The following SSX7 variants were observed in gnomAD, a reference collection of about 807,000 sequenced individuals.
SSX7 encodes the protein SSX family member 7.
A neutral mutation model predicts 14.7 loss-of-function variants in SSX7; 15 were observed. That is an observed-to-expected ratio of 1.02 (90% CI 0.68 to 1.58). The LOEUF (loss-of-function observed/expected upper bound fraction) is 1.58, where lower values mean the gene tolerates loss of function less well. SSX7 is among the 40% of genes most tolerant of loss of function. The pLI is 0.00. For synonymous variants in SSX7, 46 were observed against 50.6 expected (o/e 0.91, Z 0.38); for missense variants, 178 against 146.8 (o/e 1.21, Z -1.10).
intron 4 of SSX7, among the ~76,000 whole-genome samples, chrX:52,650,785 G>A (rs1195094162): frequency 8.9e-6 from 1 of 112,340 alleles, no homozygotes; most frequent in Non-Finnish European, 1.9e-5. Flanking sequence ...TGTGAATTAA[G>A]CTGTTAAATG....
At chrX:52,648,876 G>T (rs782583486) in intron 5 of SSX7, among the ~76,000 whole-genome samples, 1 of 111,332 alleles carries the variant, frequency 9.0e-6, no homozygotes, top group Non-Finnish European at 1.9e-5. Context: ...GAAATGGTTT[G>T]CTAAAATTAA....
At chrX:52,653,065 C>T in intron 2 of SSX7, 81 bp from the exon 3 acceptor site, 1 of 1,178,582 alleles carries the variant, frequency 8.5e-7, no homozygotes, top group Non-Finnish European at 1.1e-6. Flanking sequence ...TTCCTGTGTG[C>T]TGGATCTGGG....
chrX:52,649,238 G>A (rs1253983413), intron 5 of SSX7, among the ~76,000 whole-genome samples: 18 of 110,850 alleles, frequency 1.6e-4, no homozygotes, highest in African/African-American at 6.6e-5. Context: ...ACCATGTTGG[G>A]CAGGATGGTC....
At position 52,644,598 on chromosome X, in the gene SSX7, G is replaced by T; in HGVS notation, c.*77C>A. On this transcript the variant is annotated 3_prime_UTR_variant, in exon 8 of 8. Transcript: ENST00000298181. ...CTATGCACCTGATGACGAGGGGTCC[G>T]CAGCCATGCCCATGTTCGTGAAAGG... 2 of 1,189,825 alleles carry T rather than the reference G, an allele frequency of 1.7e-6. No homozygotes were observed. The highest frequency in any genetic ancestry group is 2.3e-6 in the Non-Finnish European group (2 of 888,234).
At chrX:52,653,101 C>G in intron 2 of SSX7, 117 bp from the exon 3 acceptor site, 1 of 1,169,060 alleles carries the variant, frequency 8.6e-7, no homozygotes, top group Non-Finnish European at 1.1e-6. Context: ...CATGGCTAAC[C>G]GACAACATGA....
intron 2 of SSX7, 34 bp downstream of exon 2, chrX:52,653,370 G>A (rs782344181): frequency 5.8e-6 from 7 of 1,210,679 alleles, no homozygotes; most frequent in Non-Finnish European, 6.7e-6. Context: ...ACTGTCCCCT[G>A]GGCCACTACT....
At chrX:52,648,456 GCTTACAAAGCGT>G (rs1228777826) in intron 5 of SSX7, 60 bp from the exon 6 acceptor site, 1 of 1,182,491 alleles carries the variant, frequency 8.5e-7, no homozygotes, top group Non-Finnish European at 1.1e-6. Flanking sequence ...GTGCTTTAGA[GCTTACAAAGCGT>G]CTTCACATGC....
At chrX:52,651,202 G>C (rs1236047958) in intron 4 of SSX7, among the ~76,000 whole-genome samples, 2 of 111,806 alleles carry the variant, frequency 1.8e-5, no homozygotes, top group East Asian at 2.8e-4. Context: ...TCATCACGGA[G>C]AATCAGGGTT....
chrX:52,653,218 C>A (rs868914572), intron 2 of SSX7, 186 bp downstream of exon 2: 2 of 752,114 alleles, frequency 2.7e-6, no homozygotes, highest in Non-Finnish European at 3.1e-6. Context: ...ATGTAGTGCA[C>A]GGTCACAGAC....
chrX:52,645,935 C>T (rs1346318237), intron 6 of SSX7, among the ~76,000 whole-genome samples: 1 of 111,676 alleles, frequency 9.0e-6, no homozygotes, highest in African/African-American at 3.3e-5. Flanking sequence ...ATCAATTTTA[C>T]ACCTTTCCGT....
intron 4 of SSX7, among the ~76,000 whole-genome samples, chrX:52,651,189 A>C (rs1925414188): frequency 8.9e-6 from 1 of 111,814 alleles, no homozygotes; most frequent in Admixed American, 9.5e-5. Flanking sequence ...CTCTCTTCCA[A>C]GCTCATCACG....
At chrX:52,648,847 C>A (rs1404427705) in intron 5 of SSX7, among the ~76,000 whole-genome samples, 1 of 110,904 alleles carries the variant, frequency 9.0e-6, no homozygotes, top group East Asian at 2.8e-4. Context: ...GAGATTAATA[C>A]AGGGAAGGGA....
At chrX:52,648,696 G>A (rs782405317) in intron 5 of SSX7, among the ~76,000 whole-genome samples, 7 of 111,760 alleles carry the variant, frequency 6.3e-5, no homozygotes, top group African/African-American at 2.3e-4. Flanking sequence ...AAGAAGGATA[G>A]CATTTTTAAA....
At chrX:52,653,699 G>T (rs1184353298) in intron 1 of SSX7, among the ~76,000 whole-genome samples, 1 of 110,758 alleles carries the variant, frequency 9.0e-6, no homozygotes, top group Non-Finnish European at 1.9e-5. Context: ...ATTGATTTGG[G>T]ATGACAGGCT....
chrX:52,651,404 A>G (rs1925421246), intron 4 of SSX7, among the ~76,000 whole-genome samples: 2 of 111,946 alleles, frequency 1.8e-5, no homozygotes, highest in Admixed American at 9.5e-5. Context: ...TTCTCTTGTA[A>G]CATTTTTTTA....
chrX:52,645,555 A>T lies in SSX7; in HGVS notation c.467-12T>A. On this transcript the variant is annotated splice_polypyrimidine_tract_variant and intron_variant, in intron 6 of 7. Coordinates refer to ENST00000298181, the MANE Select transcript of SSX7 (RefSeq NM_173358.2). The stretch of plus-strand genomic sequence containing the variant: ...CCCCCTTTTGGGTCCTGTGATGGAG[A>T]ATAGTTGGAAAGTGAGGGTTGGGTA... The T allele has an allele frequency of 8.5e-7, 1 of 1,181,707 alleles. No homozygotes were observed. The highest frequency in any genetic ancestry group is 1.8e-5 in the African/African-American group (1 of 56,218).
At chrX:52,652,717 A>T (rs1556767181) in intron 3 of SSX7, among the ~76,000 whole-genome samples, 153 bp downstream of exon 3, 1 of 110,544 alleles carries the variant, frequency 9.0e-6, no homozygotes, top group Non-Finnish European at 1.9e-5. Flanking sequence ...CTGACAGGAT[A>T]CAGAAGAGGA....
At position 52,652,329 on chromosome X, in the gene SSX7, G is replaced by A. The variant is rs782598650; in HGVS notation, c.203C>T (p.Pro68Leu). The A allele has an allele frequency of 9.1e-6, 11 of 1,207,204 alleles. No individual in the cohort carries two copies. The highest frequency in any genetic ancestry group is 1.2e-5 in the Non-Finnish European group (11 of 892,426). ...GGCCCCTGTATTATGCATGAAAGGTGGGAGGGTGGCCTTGAAGCCTAGAAA... is the reference window on the plus strand; with the variant it reads ...GGCCCCTGTATTATGCATGAAAGGTAGGAGGGTGGCCTTGAAGCCTAGAAA... The part of the protein sequence containing the change: ...MTKLGFKATL[P>L]PFMHNTGATD... Residue 68 changes from proline (P) to leucine (L), a missense_variant, in exon 4 of 8, where the codon CCA (proline) becomes CTA (leucine). Physicochemically the swap from Pro to Leu is moderately conservative, Grantham distance 98 (BLOSUM62 -3). Coordinates refer to ENST00000298181, the MANE Select transcript of SSX7 (RefSeq NM_173358.2).
intron 5 of SSX7, among the ~76,000 whole-genome samples, chrX:52,649,626 A>G: frequency 9.0e-6 from 1 of 111,479 alleles, no homozygotes; most frequent in Middle Eastern, 4.7e-3. Context: ...AGGTGCAGAC[A>G]AGGTCCTCAA....
Sources: allele counts gnomAD v4.1 joint callset (sites outside exome capture counted in the v4.1 genomes callset), GRCh38; gene constraint gnomAD v4.1.1; transcripts MANE v1.5; gene names NCBI Gene and HGNC (gene_info 2026-07-23, HGNC 2026-07-21).